TCF12: variants seen among roughly 807,000 people sequenced by gnomAD.
TCF12 encodes transcription factor 12, also known as DNA-binding protein HTF4.
A neutral mutation model predicts 86.0 loss-of-function variants in TCF12; 45 were observed. That is an observed-to-expected ratio of 0.52 (90% CI 0.41 to 0.67). TCF12 has a LOEUF of 0.67. TCF12 is among the 30% of genes least tolerant of loss of function. TCF12 has a pLI of 0.00. For synonymous variants in TCF12, 330 were observed against 299.6 expected, an observed-to-expected ratio of 1.10 and a Z score of -1.05; for missense variants, 881 against 859.9, an observed-to-expected ratio of 1.02 and a Z score of -0.31.
At chr15:57,203,530 A>G (rs1384576957) in intron 8 of TCF12, among the ~76,000 whole-genome samples, 3 of 152,338 alleles carry the variant, frequency 2.0e-5, no homozygotes, top group African/African-American at 4.8e-5. Context: ...TTCTTGTTCT[A>G]TGGCAATTGA....
intron 5 of TCF12, among the ~76,000 whole-genome samples, chr15:57,140,051 G>C (rs1212096776): frequency 6.6e-6 from 1 of 152,110 alleles, no homozygotes; most frequent in African/African-American, 2.4e-5. Context: ...ATTACTTCCA[G>C]GTACATACCC....
intron 3 of TCF12, among the ~76,000 whole-genome samples, chr15:56,942,651 C>T (rs77513207): frequency 6.6e-6 from 1 of 152,230 alleles, no homozygotes; most frequent in African/African-American, 2.4e-5. Context: ...GTATGTGTAA[C>T]AGAACTATTT....
At chr15:57,241,554 A>G (rs1020709503) in intron 12 of TCF12, among the ~76,000 whole-genome samples, 13 of 152,342 alleles carry the variant, frequency 8.5e-5, no homozygotes, top group Middle Eastern at 3.4e-3. Context: ...TGTTTGAGAT[A>G]GTTGATGTAT....
At chr15:57,007,978 G>GCTCT (rs1205713295) in intron 3 of TCF12, among the ~76,000 whole-genome samples, 3 of 123,110 alleles carry the variant, frequency 2.4e-5, no homozygotes, top group Non-Finnish European at 3.4e-5. Context: ...TCTCTCTCTC[G>GCTCT]CTCTCTCTCT....
At chr15:56,918,267 G>A (rs1410644867), upstream of TCF12, 1 of 456,118 alleles carries the variant, frequency 2.2e-6, no homozygotes, top group African/African-American at 2.0e-5. Context: ...GGGGACCTGG[G>A]CAGCGGATCC....
intron 6 of TCF12, among the ~76,000 whole-genome samples, chr15:57,183,065 A>C (rs2056453561): frequency 6.6e-6 from 1 of 152,162 alleles, no homozygotes; most frequent in Non-Finnish European, 1.5e-5. Context: ...TAAGATTGCT[A>C]TAAATCCTAA....
intron 3 of TCF12, among the ~76,000 whole-genome samples, chr15:56,921,384 C>G (rs1477572088): frequency 6.6e-6 from 1 of 151,776 alleles, no homozygotes. Context: ...TATTAGATGA[C>G]TGAATCCTTT....
intron 2 of TCF12, among the ~76,000 whole-genome samples, chr15:56,920,577 TTTTA>T (rs1301396746): frequency 6.6e-6 from 1 of 152,000 alleles, no homozygotes; most frequent in African/African-American, 2.4e-5. Flanking sequence ...CTGCTTTTAT[TTTTA>T]ATGGGTTTAA....
chr15:56,929,857 G>T (rs891840575), intron 3 of TCF12, among the ~76,000 whole-genome samples: 3 of 152,094 alleles, frequency 2.0e-5, no homozygotes, highest in Non-Finnish European at 4.4e-5. Flanking sequence ...GTGTTAGGAA[G>T]GTGCCTGAAT....
chr15:56,921,151 T>A, intron 3 of TCF12, 53 bp downstream of exon 3: 1 of 1,404,118 alleles, frequency 7.1e-7, no homozygotes, highest in East Asian at 2.5e-5. Context: ...TGATACATTT[T>A]AGTAGAAAAA....
At chr15:57,224,136 G>GT (rs139320016) in intron 8 of TCF12, among the ~76,000 whole-genome samples, 1,889 of 151,878 alleles carry the variant, frequency 0.012, 42 homozygotes, top group African/African-American at 0.043. Context: ...AAGGTATGTT[G>GT]TCACTGGTCA....
At chr15:57,185,568 A>G (rs1236747375) in intron 6 of TCF12, among the ~76,000 whole-genome samples, 1 of 152,218 alleles carries the variant, frequency 6.6e-6, no homozygotes. Context: ...AAGAAGGACA[A>G]TATGGAATCA....
In TCF12 at chr15:57,286,758, A is replaced by G. The variant is rs2152161226; in HGVS notation, c.*613A>G. The stretch of plus-strand genomic sequence containing the variant: ...ATAGCGTTTTCCATGAAATAGGAAA[A>G]TATTACTTGGTATAGCATTTCTCTT... On this transcript the variant is annotated 3_prime_UTR_variant, in exon 21 of 21. Transcript: ENST00000333725. 1 of 424,984 alleles carries G rather than the reference A, an allele frequency of 2.4e-6. No individual in the cohort carries two copies. Among genetic ancestry groups the G allele is most frequent in the Non-Finnish European group, 4.7e-6 (1 of 214,530 alleles). The allele number at this position is 424,984 out of a possible 1,614,324, so 26.3% of individuals were successfully genotyped here.
intron 19 of TCF12, among the ~76,000 whole-genome samples, chr15:57,278,844 T>C (rs559634622): frequency 2.0e-5 from 3 of 150,598 alleles, no homozygotes; most frequent in African/African-American, 7.4e-5. Flanking sequence ...TTTCTCTCTT[T>C]CCTCCTTTTT....
At chr15:57,147,634 T>C (rs2053450293) in intron 5 of TCF12, among the ~76,000 whole-genome samples, 1 of 152,136 alleles carries the variant, frequency 6.6e-6, no homozygotes, top group South Asian at 2.1e-4. Flanking sequence ...GCATATTTTA[T>C]AAAATTATGA....
chr15:57,167,733 G>C (rs1311149154), intron 6 of TCF12, among the ~76,000 whole-genome samples: 3 of 152,088 alleles, frequency 2.0e-5, no homozygotes, highest in Admixed American at 2.0e-4. Flanking sequence ...CATAGATTTG[G>C]GGGTAGTTAC....
intron 5 of TCF12, among the ~76,000 whole-genome samples, chr15:57,117,813 T>A (rs116283040): frequency 0.029 from 4,473 of 152,302 alleles, 184 homozygotes; most frequent in African/African-American, 0.09. Flanking sequence ...AATACTTGTA[T>A]AATTTCCATA....
At chr15:57,009,945 G>T (rs185950500) in intron 3 of TCF12, among the ~76,000 whole-genome samples, 9 of 152,176 alleles carry the variant, frequency 5.9e-5, no homozygotes, top group African/African-American at 2.2e-4. Flanking sequence ...TATATTTGAG[G>T]GTAAATATAA....
chr15:57,243,997 G>A (rs1480677970), intron 13 of TCF12, among the ~76,000 whole-genome samples: 1 of 152,026 alleles, frequency 6.6e-6, no homozygotes, highest in East Asian at 1.9e-4. Context: ...TTCCACCTCA[G>A]CCTCCTGAGT....
Sources: gnomAD v4.1 joint callset for allele counts (sites outside exome capture counted in the v4.1 genomes callset) on GRCh38, gnomAD v4.1.1 for gene constraint, MANE v1.5 for transcripts, NCBI Gene and HGNC (gene_info 2026-07-23, HGNC 2026-07-21) for gene names.